The following PRPSAP1 variants were observed in gnomAD, a reference collection of about 807,000 sequenced individuals.
PRPSAP1 encodes phosphoribosyl pyrophosphate synthase-associated protein 1.
Under a neutral mutation model 39.4 loss-of-function variants are expected in PRPSAP1, and 31 were observed. The observed-to-expected ratio is 0.79, with a 90% CI of 0.59 to 1.06. The LOEUF (loss-of-function observed/expected upper bound fraction) is 1.06. PRPSAP1 is among the 50% of genes least tolerant of loss of function. PRPSAP1 has a pLI of 0.00. For synonymous variants in PRPSAP1, 212 were observed against 192.6 expected (o/e 1.10, Z -0.83); for missense variants, 430 against 511.6 (o/e 0.84, Z 1.54).
chr17:76,344,228 C>T (rs538300387), intron 3 of PRPSAP1, among the ~76,000 whole-genome samples: 5 of 152,228 alleles, frequency 3.3e-5, no homozygotes, highest in Admixed American at 1.3e-4. Context: ...CCTGGGTTCA[C>T]GCCTTTCTCC....
At position 76,313,019 on chromosome 17, in the gene PRPSAP1, GGGA is replaced by G. The variant is rs774374827; in HGVS notation, c.853-6_853-4del. ...TCCACATCGTCAATAATGTCATCCTGGGAGGAGAACAGAGTGAGTTGGTAGGAA... is the reference window on the plus strand; with the variant it reads ...TCCACATCGTCAATAATGTCATCCTGGGAGAACAGAGTGAGTTGGTAGGAA... On this transcript the variant is annotated splice_polypyrimidine_tract_variant and splice_region_variant and intron_variant, in intron 8 of 9. Coordinates refer to ENST00000446526, the MANE Select transcript of PRPSAP1 (RefSeq NM_002766.3). The G allele has an allele frequency of 2.5e-6, 4 of 1,613,326 alleles. No homozygotes were observed. The highest frequency in any genetic ancestry group is 2.2e-5 in the South Asian group (2 of 91,050).
intron 5 of PRPSAP1, 111 bp downstream of exon 5, chr17:76,330,440 C>A (rs2143499734): frequency 1.3e-6 from 1 of 794,314 alleles, no homozygotes; most frequent in East Asian, 2.6e-5. Flanking sequence ...GGCATTGTGA[C>A]TTAAGGGAGA....
rs1484917675 is a variant in PRPSAP1, at chr17:76,318,135, T to C, written c.782-4244A>G. On this transcript the variant is annotated intron_variant, in intron 7 of 9. Transcript: ENST00000446526. ...TTCACTGTGAGGCAAAACTCACCCA[T>C]GGGCAAGAAGTAGTGCTCTAAAGAA... 2.6e-5 allele frequency among the ~76,000 whole-genome samples: 4 copies of C among 152,088 alleles called. No individual in the cohort carries two copies. The South Asian group carries it at 6.2e-4, about 24-fold the overall frequency.
chr17:76,311,416 G>A lies in PRPSAP1; in HGVS notation c.*126C>T. ...TTAATCCCTCCTCCCCATCAATCCGGGCAAAAGAAGATATCTAACTCCAGG... is the reference window on the plus strand; with the variant it reads ...TTAATCCCTCCTCCCCATCAATCCGAGCAAAAGAAGATATCTAACTCCAGG... On this transcript the variant is annotated 3_prime_UTR_variant, in exon 10 of 10. Coordinates refer to ENST00000446526, the MANE Select transcript of PRPSAP1 (RefSeq NM_002766.3). 2 of 1,050,038 alleles carry A rather than the reference G, an allele frequency of 1.9e-6. No individual in the cohort carries two copies. The highest frequency in any genetic ancestry group is 1.8e-5 in the South Asian group (1 of 56,480). 65.0% of individuals were successfully genotyped at this position (1,050,038 alleles called of 1,614,324 possible). A position where few individuals can be genotyped will look rare whatever the true frequency, so the allele number is the denominator to read the frequency against.
intron 3 of PRPSAP1, among the ~76,000 whole-genome samples, chr17:76,342,179 C>G (rs2071447011): frequency 2.6e-5 from 4 of 152,068 alleles, no homozygotes; most frequent in Non-Finnish European, 4.4e-5. Context: ...CGATGAGGCT[C>G]ACAGCAGCCT....
At chr17:76,333,726 T>C (rs1025130695) in intron 3 of PRPSAP1, among the ~76,000 whole-genome samples, 4 of 152,016 alleles carry the variant, frequency 2.6e-5, no homozygotes, top group Non-Finnish European at 4.4e-5. Flanking sequence ...CTGACAAAGA[T>C]TACCCAGAGA....
At chr17:76,353,109 C>T (rs1307270043) in intron 1 of PRPSAP1, 2 of 161,078 alleles carry the variant, frequency 1.2e-5, no homozygotes, top group African/African-American at 4.8e-5. Context: ...AACTCACAAC[C>T]ACGCCCGCGG....
At chr17:76,329,698 T>C (rs911225898) in intron 6 of PRPSAP1, among the ~76,000 whole-genome samples, 1 of 150,974 alleles carries the variant, frequency 6.6e-6, no homozygotes, top group Non-Finnish European at 1.5e-5. Flanking sequence ...ATCGCGCCAT[T>C]GCACTCCAGC....
At chr17:76,332,848 G>A (rs1049947023) in intron 3 of PRPSAP1, among the ~76,000 whole-genome samples, 3 of 151,874 alleles carry the variant, frequency 2.0e-5, no homozygotes, top group Non-Finnish European at 2.9e-5. Flanking sequence ...TTAACAGAAA[G>A]ATTTGGTCTC....
At chr17:76,334,300 C>T (rs888984401) in intron 3 of PRPSAP1, among the ~76,000 whole-genome samples, 2 of 152,208 alleles carry the variant, frequency 1.3e-5, no homozygotes, top group African/African-American at 2.4e-5. Flanking sequence ...TCTACACTGA[C>T]ACGTAGGTGA....
chr17:76,351,702 G>A (rs911838454), intron 1 of PRPSAP1, among the ~76,000 whole-genome samples: 2 of 152,048 alleles, frequency 1.3e-5, no homozygotes, highest in Non-Finnish European at 2.9e-5. Context: ...AAACAGATAA[G>A]ATAAAACAAA....
chr17:76,353,475 G>C, intron 1 of PRPSAP1, 59 bp downstream of exon 1: 1 of 1,421,338 alleles, frequency 7.0e-7, no homozygotes, highest in Non-Finnish European at 9.2e-7. Context: ...GGTCCCTCCG[G>C]GCGCGAAGGA....
rs751998561 is a variant in PRPSAP1 at position 76,353,621 on chromosome 17, G to A, written c.83C>T (p.Pro28Leu). The change falls in exon 1 of 10, where the codon CCG (proline) becomes CTG (leucine). Residue 28 changes from proline (P) to leucine (L), a missense_variant. By Grantham distance (98) the Pro-to-Leu change is moderately conservative. Coordinates refer to ENST00000446526, the MANE Select transcript of PRPSAP1 (RefSeq NM_002766.3). ...GCCGGTGCGAGCGGCGTTCATGGCC[G>A]GCGGGGGAACGGGGCGGGCGCGCGG... ...RVPRARPVPP[P>L]AMNAARTGYR... 8.4e-6 allele frequency: 13 copies of A among 1,552,156 alleles called. No homozygotes were observed. The African/African-American group carries it at 9.9e-5, about 12-fold the overall frequency.
At chr17:76,330,802 C>G in intron 4 of PRPSAP1, 136 bp from the exon 5 acceptor site, 1 of 539,856 alleles carries the variant, frequency 1.9e-6, no homozygotes, top group Admixed American at 3.4e-5. Context: ...ACTGCAGTCA[C>G]AGGCTTGATT....
chr17:76,313,039 T>C, intron 8 of PRPSAP1, 23 bp from the exon 9 acceptor site: 1 of 1,610,980 alleles, frequency 6.2e-7, no homozygotes, highest in African/African-American at 1.3e-5. Flanking sequence ...CAGAGTGAGT[T>C]GGTAGGAAAG....
At chr17:76,339,400 G>A (rs975817189) in intron 3 of PRPSAP1, among the ~76,000 whole-genome samples, 4 of 151,824 alleles carry the variant, frequency 2.6e-5, no homozygotes, top group Non-Finnish European at 4.4e-5. Flanking sequence ...GCAAGCCTCC[G>A]TCTCAAAAAA....
At chr17:76,343,467 G>A (rs2071461874) in intron 3 of PRPSAP1, among the ~76,000 whole-genome samples, 1 of 152,256 alleles carries the variant, frequency 6.6e-6, no homozygotes. Context: ...ACAACTAGAA[G>A]CTTTTCAGCA....
chr17:76,310,033 T>A lies in PRPSAP1; in HGVS notation c.*1509A>T, dbSNP rs2071053328. ...TGGAATCTTGCTCTGTCACTTGGGC[T>A]GGAGTGCAGTGGCACAATCTCAGCT... is the stretch of plus-strand genomic sequence containing the variant. On this transcript the variant is annotated 3_prime_UTR_variant, in exon 10 of 10. Transcript: ENST00000446526. The A allele has an allele frequency of 1.3e-5, 2 of 151,356 alleles. No homozygotes were observed. The highest frequency in any genetic ancestry group is 4.9e-5 in the African/African-American group (2 of 40,876). 9.4% of individuals were successfully genotyped at this position (151,356 alleles called of 1,614,324 possible). A position where few individuals can be genotyped will look rare whatever the true frequency, so the allele number is the denominator to read the frequency against.
At chr17:76,314,237 G>GT in intron 7 of PRPSAP1, 1 of 234,606 alleles carries the variant, frequency 4.3e-6, no homozygotes, top group Non-Finnish European at 7.8e-6. Context: ...TGTATTTTTT[G>GT]AGACGGAGTT....
Sources: allele counts gnomAD v4.1 joint callset (sites outside exome capture counted in the v4.1 genomes callset), GRCh38; gene constraint gnomAD v4.1.1; transcripts MANE v1.5; gene names NCBI Gene and HGNC (gene_info 2026-07-23, HGNC 2026-07-21).